Variants in LBP observed in about 807,000 individuals in gnomAD.
LBP encodes the protein lipopolysaccharide-binding protein.
LBP carries 53 observed loss-of-function variants against 56.6 expected under a neutral mutation model. The observed-to-expected ratio is 0.94, with a 90% CI of 0.75 to 1.18. The LOEUF is 1.18. Among genes scored for constraint, LBP ranks in the 50% most tolerant of loss-of-function variants. The pLI is 0.00. For missense variants in LBP, 601 were observed against 598.3 expected, an observed-to-expected ratio of 1.00 and a Z score of -0.05; for synonymous variants, 227 against 247.5, an observed-to-expected ratio of 0.92 and a Z score of 0.78.
rs567484649 is a variant in LBP, at chr20:38,362,815, G to C, written c.653-1160G>C. Among the ~76,000 whole-genome samples the C allele has an allele frequency of 5.3e-5, 8 of 152,098 alleles. No individual in the cohort carries two copies. The East Asian group carries it at 1.4e-3, about 26-fold the overall frequency. On this transcript the variant is annotated intron_variant, in intron 6 of 14. Coordinates refer to ENST00000217407, the MANE Select transcript of LBP (RefSeq NM_004139.5). Reference sequence around the variant, plus strand: ...ATACAAAAATTAGCCAGGCATAGTGGTGTGTGCCTGTAGTCCCAGCTACTT... The same window carrying C: ...ATACAAAAATTAGCCAGGCATAGTGCTGTGTGCCTGTAGTCCCAGCTACTT...
Position 38,364,597 on chromosome 20 carries a change from C to A in LBP, c.766C>A (p.His256Asn). ...CCAGGGTGAAATCTTTCATCGTAAC[C>A]ACCGTTCTCCAGTTACCCTCCTTGC... Reference protein sequence around the residue: ...MFKGEIFHRNHRSPVTLLAAV... With the variant: ...MFKGEIFHRNNRSPVTLLAAV... The change falls in exon 8 of 15, where the codon CAC becomes AAC. Residue 256 changes from histidine (H) to asparagine (N), a missense_variant. By Grantham distance (68) the His-to-Asn change is moderately conservative. Transcript: ENST00000217407. 3.1e-6 allele frequency: 5 copies of A among 1,614,120 alleles called. No homozygotes were observed. The highest frequency in any genetic ancestry group is 4.2e-6 in the Non-Finnish European group (5 of 1,180,008).
chr20:38,371,779 C>T (rs1443291411), intron 12 of LBP, among the ~76,000 whole-genome samples: 1 of 151,400 alleles, frequency 6.6e-6, no homozygotes, highest in African/African-American at 2.4e-5. Flanking sequence ...TGGTAGCAAG[C>T]CCCAGAGTTT....
Position 38,373,019 on chromosome 20 carries a change from A to T in LBP, c.1261-53A>T, listed in dbSNP as rs1600731446. On this transcript the variant is annotated intron_variant, in intron 12 of 14. Coordinates refer to ENST00000217407, the MANE Select transcript of LBP (RefSeq NM_004139.5). ...GTTTTGCTATGTTGGCACACACAGAACCACCATGTGGCCCTGTGGCGATGT... is the reference window on the plus strand; with the variant it reads ...GTTTTGCTATGTTGGCACACACAGATCCACCATGTGGCCCTGTGGCGATGT... 7 of 1,477,298 alleles carry T rather than the reference A, an allele frequency of 4.7e-6. No individual in the cohort carries two copies. In the East Asian group the frequency reaches 1.6e-4, roughly 33 times the overall value. The allele number at this position is 1,477,298 out of a possible 1,614,324, so 91.5% of individuals were successfully genotyped here.
intron 9 of LBP, among the ~76,000 whole-genome samples, chr20:38,368,534 G>A (rs1418830257): frequency 1.3e-5 from 2 of 152,176 alleles, no homozygotes; most frequent in Non-Finnish European, 2.9e-5. Flanking sequence ...CAGAGGCAGA[G>A]GTTGCAGTGA....
intron 3 of LBP, among the ~76,000 whole-genome samples, chr20:38,351,615 C>T (rs533023659): frequency 1.3e-5 from 2 of 152,224 alleles, no homozygotes; most frequent in Non-Finnish European, 2.9e-5. Context: ...AGGCTGAGGG[C>T]CAAGGTCAAG....
At chr20:38,358,979 A>G (rs556561524) in intron 5 of LBP, among the ~76,000 whole-genome samples, 3 of 152,328 alleles carry the variant, frequency 2.0e-5, no homozygotes, top group Non-Finnish European at 4.4e-5. Context: ...GCCCACAGCT[A>G]TTCTTTGAAA....
chr20:38,351,493 A>C (rs982551128), intron 3 of LBP, among the ~76,000 whole-genome samples: 1 of 152,108 alleles, frequency 6.6e-6, no homozygotes, highest in Non-Finnish European at 1.5e-5. Context: ...CACTTTGAAC[A>C]GTTCTCTGAC....
chr20:38,349,407 G>A (rs2076812462), intron 1 of LBP, 141 bp from the exon 2 acceptor site: 1 of 666,740 alleles, frequency 1.5e-6, no homozygotes. Context: ...GCACACAGAG[G>A]GGCTCATATC....
At chr20:38,351,111 T>C (rs5741815) in intron 3 of LBP, among the ~76,000 whole-genome samples, 172 bp downstream of exon 3, 31,183 of 152,160 alleles carry the variant, frequency 0.2, 3,950 homozygotes, top group African/African-American at 0.36. Flanking sequence ...AGTGTCTTTC[T>C]GTCTCTGAGT....
chr20:38,375,735 A>G (rs1457143150), intron 14 of LBP, among the ~76,000 whole-genome samples: 1 of 152,156 alleles, frequency 6.6e-6, no homozygotes, highest in Non-Finnish European at 1.5e-5. Context: ...TTTTCAGGTT[A>G]TCTTTTGAGG....
At chr20:38,363,371 C>T (rs1312875194) in intron 6 of LBP, among the ~76,000 whole-genome samples, 1 of 152,218 alleles carries the variant, frequency 6.6e-6, no homozygotes, top group Non-Finnish European at 1.5e-5. Context: ...AGGTGCTTTG[C>T]TGTCCCTTGC....
intron 6 of LBP, 95 bp from the exon 7 acceptor site, chr20:38,363,880 G>C (rs915527611): frequency 1.5e-5 from 13 of 870,836 alleles, no homozygotes; most frequent in Non-Finnish European, 2.5e-5. Context: ...TCTGAAGAAA[G>C]TCACAGGGAA....
chr20:38,376,810 T>A lies in LBP; in HGVS notation c.*141T>A. 2 of 813,508 alleles carry A rather than the reference T, an allele frequency of 2.5e-6. No homozygotes were observed. Among genetic ancestry groups the A allele is most frequent in the Admixed American group, 1.8e-5 (1 of 54,552 alleles). The allele number at this position is 813,508 out of a possible 1,614,324, so 50.4% of individuals were successfully genotyped here. A position where few individuals can be genotyped will look rare whatever the true frequency, so the allele number is the denominator to read the frequency against. ...GGGTGAGGTGTGCCTGGCCTCTGCC[T>A]CCACCCTCCTCCTCTTCACCAGGTG... On this transcript the variant is annotated 3_prime_UTR_variant, in exon 15 of 15. Coordinates refer to ENST00000217407, the MANE Select transcript of LBP (RefSeq NM_004139.5).
intron 14 of LBP, 56 bp from the exon 15 acceptor site, chr20:38,376,569 A>G: frequency 5.3e-6 from 8 of 1,518,390 alleles, no homozygotes; most frequent in Non-Finnish European, 7.3e-6. Flanking sequence ...TCGCAGATGC[A>G]TCTTTTTGGA....
intron 9 of LBP, among the ~76,000 whole-genome samples, chr20:38,367,510 A>G (rs1016453686): frequency 6.6e-6 from 1 of 152,206 alleles, no homozygotes; most frequent in African/African-American, 2.4e-5. Context: ...TCAAGGTTCA[A>G]CATTCAAAAG....
At chr20:38,357,837 G>A (rs1394181158) in intron 5 of LBP, among the ~76,000 whole-genome samples, 1 of 152,164 alleles carries the variant, frequency 6.6e-6, no homozygotes, top group Non-Finnish European at 1.5e-5. Context: ...AGACCATATA[G>A]GGTAACTTGG....
chr20:38,349,738 G>C (rs1167251552), intron 2 of LBP, 76 bp downstream of exon 2: 1 of 1,088,110 alleles, frequency 9.2e-7, no homozygotes, highest in Non-Finnish European at 1.3e-6. Flanking sequence ...GTGAGGAAGA[G>C]AGAGCCTCAG....
chr20:38,376,591 T>C, intron 14 of LBP, 34 bp from the exon 15 acceptor site: 1 of 1,603,350 alleles, frequency 6.2e-7, no homozygotes, highest in East Asian at 2.2e-5. Context: ...TAGAGGATGC[T>C]CTTTACCATC....
rs200492719 is a variant in LBP at position 38,360,691 on chromosome 20, C to T, written c.589-13C>T. 7.8e-5 allele frequency: 125 copies of T among 1,603,196 alleles called. No individual in the cohort carries two copies. On this transcript the variant is annotated splice_polypyrimidine_tract_variant and intron_variant, in intron 5 of 14. Coordinates refer to ENST00000217407, the MANE Select transcript of LBP (RefSeq NM_004139.5). ...GGGAACTCACTCAGTCATTCTCTTC[C>T]CATGTTTTTCAGATTTGCGAAATGA...
Sources: allele counts gnomAD v4.1 joint callset (sites outside exome capture counted in the v4.1 genomes callset), GRCh38; gene constraint gnomAD v4.1.1; transcripts MANE v1.5; gene names NCBI Gene and HGNC (gene_info 2026-07-23, HGNC 2026-07-21).